Variants in BRSK2 observed in about 807,000 individuals in gnomAD.
The protein encoded by BRSK2 is BR serine/threonine kinase 2.
BRSK2 carries 19 observed loss-of-function variants against 83.3 expected under a neutral mutation model. That is an observed-to-expected ratio of 0.23 (90% CI 0.16 to 0.33). The LOEUF is 0.33. Ranked by LOEUF, BRSK2 falls within the 10% of genes least tolerant of loss-of-function variation. The pLI is 1.00. For missense variants in BRSK2, 798 were observed against 1,042.3 expected, an observed-to-expected ratio of 0.77 and a Z score of 3.23; for synonymous variants, 519 against 435.4, an observed-to-expected ratio of 1.19 and a Z score of -2.39.
At chr11:1,402,970 C>T (rs1846593554) in intron 1 of BRSK2, among the ~76,000 whole-genome samples, 2 of 152,118 alleles carry the variant, frequency 1.3e-5, no homozygotes, top group South Asian at 4.1e-4. Flanking sequence ...CAGATGAGCG[C>T]CCTCTCCAGC....
chr11:1,452,812 G>A (rs544762094), intron 15 of BRSK2, among the ~76,000 whole-genome samples: 5 of 151,980 alleles, frequency 3.3e-5, no homozygotes, highest in South Asian at 2.1e-4. Flanking sequence ...CGCCTTGGAC[G>A]AGGGTCCAGC....
chr11:1,446,876 G>A (rs1220071785), intron 12 of BRSK2, among the ~76,000 whole-genome samples: 1 of 152,150 alleles, frequency 6.6e-6, no homozygotes, highest in Non-Finnish European at 1.5e-5. Flanking sequence ...GCACCCCAGG[G>A]CCCCCTCCTT....
In BRSK2 at chr11:1,456,620, G is replaced by A; in HGVS notation, c.1872G>A (p.Arg624=). The change falls in exon 18 of 20, where the codon AGG becomes AGA. Residue 624 remains arginine, a synonymous_variant. Coordinates refer to ENST00000528841, the MANE Select transcript of BRSK2 (RefSeq NM_001256627.2). ...TAGGCCCCAGCCGTCGCTTCAAGAGGGTGGTGGAGACCATCCAGGCCCAGC... is the reference window on the plus strand; with the variant it reads ...TAGGCCCCAGCCGTCGCTTCAAGAGAGTGGTGGAGACCATCCAGGCCCAGC... The part of the protein sequence containing the change: ...LLSGPSRRFK[R]VVETIQAQLL... 1 of 1,611,244 alleles carries A rather than the reference G, an allele frequency of 6.2e-7. No individual in the cohort carries two copies. Among genetic ancestry groups the A allele is most frequent in the South Asian group, 1.1e-5 (1 of 90,680 alleles).
chr11:1,451,529 C>A, intron 15 of BRSK2, 110 bp downstream of exon 15: 1 of 1,130,582 alleles, frequency 8.8e-7, no homozygotes, highest in East Asian at 2.4e-5. Flanking sequence ...CCACGTGGCC[C>A]CACCTCCCAC....
At chr11:1,411,231 G>A in intron 1 of BRSK2, 1 of 1,265,202 alleles carries the variant, frequency 7.9e-7, no homozygotes, top group South Asian at 3.2e-5. Flanking sequence ...GACGTGCTCT[G>A]AGCTTCCTTC....
rs1401605443 is a variant in BRSK2 at position 1,459,403 on chromosome 11, G to GCC, written c.1987+166_1987+167dup. 2.0e-4 allele frequency: 147 copies of GCC among 751,052 alleles called. 1 individual carries two copies. Among genetic ancestry groups the GCC allele is most frequent in the Middle Eastern group, 9.3e-4 (3 of 3,220 alleles). 46.5% of individuals were successfully genotyped at this position (751,052 alleles called of 1,614,324 possible). On this transcript the variant is annotated intron_variant, in intron 19 of 19. Transcript: ENST00000528841. ...CCGGCCCCATCCTCTACCAGGAGCA[G>GCC]CCCAGGTCGCTCCCCTACCACAGCA...
chr11:1,456,565 C>G (rs1348730201), intron 17 of BRSK2, 33 bp from the exon 18 acceptor site: 2 of 1,606,122 alleles, frequency 1.2e-6, no homozygotes, highest in East Asian at 4.5e-5. Context: ...CGGGCCCAGG[C>G]CCGTCCAGGG....
In BRSK2 at chr11:1,456,667, C is replaced by T. The variant is rs1189100585; in HGVS notation, c.1919C>T (p.Pro640Leu). Residue 640 changes from proline (P) to leucine (L), a missense_variant, in exon 18 of 20, where the codon CCT becomes CTT. Pro to Leu is a moderately conservative substitution (Grantham distance 98). Around this residue, in one of 6 missense-constraint regions of BRSK2, gnomAD observed 455 missense variants for 455.2 expected, o/e 1.00. Transcript: ENST00000528841. ...QAQLLSTHDP[P>L]AAQHLSDTTN... ...CAGCTGCTGAGCACACACGACCCGC[C>T]TGCGGCCCAGCACTTGTCAGGTGAG... 3.7e-6 allele frequency: 6 copies of T among 1,607,694 alleles called. No homozygotes were observed. In the Admixed American group the frequency reaches 8.4e-5, roughly 23 times the overall value.
Position 1,429,091 on chromosome 11 carries a change from C to T in BRSK2, c.92-6949C>T, listed in dbSNP as rs534043184. On this transcript the variant is annotated intron_variant, in intron 1 of 19. Coordinates refer to ENST00000528841, the MANE Select transcript of BRSK2 (RefSeq NM_001256627.2). ...TGTGCATGGGTGTGTGTCCTGGGTGCGTGCATGTGTGCACTCGGTGTGTGG... is the reference window on the plus strand; with the variant it reads ...TGTGCATGGGTGTGTGTCCTGGGTGTGTGCATGTGTGCACTCGGTGTGTGG... 4.7e-3 allele frequency among the ~76,000 whole-genome samples: 628 copies of T among 132,342 alleles called. 9 individuals carry two copies. Among genetic ancestry groups the T allele is most frequent in the African/African-American group, 0.017 (584 of 34,240 alleles). The allele number at this position is 132,342 out of a possible 152,430, so 86.8% of individuals were successfully genotyped here.
Position 1,460,751 on chromosome 11 carries a change from C to T in BRSK2, c.*28C>T. 1 of 1,371,788 alleles carries T rather than the reference C, an allele frequency of 7.3e-7. No individual in the cohort carries two copies. Among genetic ancestry groups the T allele is most frequent in the Non-Finnish European group, 9.5e-7 (1 of 1,054,536 alleles). 85.0% of individuals were successfully genotyped at this position (1,371,788 alleles called of 1,614,324 possible). A position where few individuals can be genotyped will look rare whatever the true frequency, so the allele number is the denominator to read the frequency against. On this transcript the variant is annotated 3_prime_UTR_variant, in exon 20 of 20. Coordinates refer to ENST00000528841, the MANE Select transcript of BRSK2 (RefSeq NM_001256627.2). ...ACACTAGCCCCCCCCCCCAGCACAG[C>T]ACTGACAGCGGCTGCCTCGCCGCCC...
rs184471201 is a variant in BRSK2, at chr11:1,422,323, G to T, written c.92-13717G>T. ...AGGTGGGGCCTGCCCTCCTCCAGCC[G>T]CTCCTCCACCCTGTCTGCCGTGTGC... is the stretch of plus-strand genomic sequence containing the variant. On this transcript the variant is annotated intron_variant, in intron 1 of 19. Coordinates refer to ENST00000528841, the MANE Select transcript of BRSK2 (RefSeq NM_001256627.2). Among the ~76,000 whole-genome samples, 838 of 152,206 alleles carry T rather than the reference G, an allele frequency of 5.5e-3. 8 individuals carry two copies. The highest frequency in any genetic ancestry group is 0.019 in the African/African-American group (785 of 41,524).
intron 1 of BRSK2, among the ~76,000 whole-genome samples, chr11:1,413,221 T>G (rs540746506): frequency 2.1e-4 from 32 of 152,162 alleles, no homozygotes; most frequent in African/African-American, 7.2e-4. Flanking sequence ...AGACGGCCCC[T>G]GGGGACGGCC....
chr11:1,460,074 C>G (rs1465172253), intron 19 of BRSK2, among the ~76,000 whole-genome samples: 1 of 114,756 alleles, frequency 8.7e-6, no homozygotes, highest in Non-Finnish European at 1.7e-5. Flanking sequence ...TCGGCCCTCA[C>G]GGCTGCAAGG....
chr11:1,409,072 G>T (rs1476958185), intron 1 of BRSK2, among the ~76,000 whole-genome samples: 1 of 152,152 alleles, frequency 6.6e-6, no homozygotes, highest in Non-Finnish European at 1.5e-5. Context: ...GTGTATGTGT[G>T]TGCCTGTGTA....
At position 1,423,330 on chromosome 11, in the gene BRSK2, G is replaced by A. The variant is rs943276226; in HGVS notation, c.92-12710G>A. Among the ~76,000 whole-genome samples, 8 of 152,136 alleles carry A rather than the reference G, an allele frequency of 5.3e-5. No homozygotes were observed. The highest frequency in any genetic ancestry group is 1.2e-4 in the Non-Finnish European group (8 of 68,012). ...AGGCTAGGGGTGAGTTCGAGACCTCGTAAATACTTCAGTGCAGAGCCTTCA... is the reference window on the plus strand; with the variant it reads ...AGGCTAGGGGTGAGTTCGAGACCTCATAAATACTTCAGTGCAGAGCCTTCA... On this transcript the variant is annotated intron_variant, in intron 1 of 19. Transcript: ENST00000528841. The surrounding 1 kb of genome is among the most constrained non-coding windows in gnomAD (Gnocchi z 6.5).
chr11:1,390,244 G>C lies in BRSK2; in HGVS notation c.-41G>C, dbSNP rs1460731219. 1 of 984,810 alleles carries C rather than the reference G, an allele frequency of 1.0e-6. No homozygotes were observed. Among genetic ancestry groups the C allele is most frequent in the African/African-American group, 1.8e-5 (1 of 56,540 alleles). The allele number at this position is 984,810 out of a possible 1,614,324, so 61.0% of individuals were successfully genotyped here. A position where few individuals can be genotyped will look rare whatever the true frequency, so the allele number is the denominator to read the frequency against. The stretch of plus-strand genomic sequence containing the variant: ...GACGCTGGGCGGCCCCTCCCTGCCC[G>C]CGCGCCCGGGCGCCCCTGGCCGGCG... On this transcript the variant is annotated 5_prime_UTR_variant, in exon 1 of 20. Coordinates refer to ENST00000528841, the MANE Select transcript of BRSK2 (RefSeq NM_001256627.2). This position sits in a 1 kb window ranked among gnomAD's most constrained non-coding sequence, Gnocchi z 6.8.
At chr11:1,435,319 G>A (rs539442762) in intron 1 of BRSK2, among the ~76,000 whole-genome samples, 16 of 100 alleles carry the variant, frequency 0.16, 3 homozygotes, top group African/African-American at 0.42. Context: ...TGGGGGTCTC[G>A]GCGGAGGAGG....
At chr11:1,424,153 G>A (rs555477215) in intron 1 of BRSK2, among the ~76,000 whole-genome samples, 1 of 152,308 alleles carries the variant, frequency 6.6e-6, no homozygotes, top group African/African-American at 2.4e-5. Context: ...CTGTGATGTG[G>A]GGCCATGGTG....
At chr11:1,445,498 A>C in intron 10 of BRSK2, 40 bp downstream of exon 10, 1 of 1,608,282 alleles carries the variant, frequency 6.2e-7, no homozygotes, top group Non-Finnish European at 8.5e-7. Context: ...ACGGGGCCTG[A>C]GGTGGGAGCG....
Sources: gnomAD v4.1 joint callset for allele counts (sites outside exome capture counted in the v4.1 genomes callset) on GRCh38, gnomAD v4.1.1 for gene constraint, gnomAD v4.1.1 regional missense constraint, Gnocchi (gnomAD v3.1) non-coding constraint, MANE v1.5 for transcripts, NCBI Gene and HGNC (gene_info 2026-07-23, HGNC 2026-07-21) for gene names.